Variants in C4BPA observed in about 807,000 individuals in gnomAD.
C4BPA encodes the protein complement component 4 binding protein alpha.
Under a neutral mutation model 63.7 loss-of-function variants are expected in C4BPA, and 31 were observed. The ratio of observed to expected loss-of-function variants is 0.49; its 90% CI spans 0.37 to 0.66. C4BPA has a LOEUF of 0.66. Ranked by LOEUF, C4BPA falls within the 30% of genes least tolerant of loss-of-function variation. The probability of loss-of-function intolerance (pLI) is 0.00; values close to 1 mark genes in which losing one functional copy is unlikely to be tolerated. For missense variants in C4BPA, 572 were observed against 723.3 expected (o/e 0.79, Z 2.40); for synonymous variants, 259 against 254.7 (o/e 1.02, Z -0.16).
chr1:207,144,129 A>G (rs1685481231), intron 11 of C4BPA, 136 bp downstream of exon 11: 2 of 637,508 alleles, frequency 3.1e-6, no homozygotes, highest in South Asian at 5.4e-5. Context: ...CACTCAAAGA[A>G]ACTCTTTTTG....
intron 10 of C4BPA, among the ~76,000 whole-genome samples, chr1:207,143,335 G>C (rs1302128354): frequency 1.3e-5 from 2 of 151,930 alleles, no homozygotes; most frequent in African/African-American, 4.8e-5. Context: ...GGGCCTGTCA[G>C]GGGGTGGGGG....
intron 1 of C4BPA, among the ~76,000 whole-genome samples, chr1:207,111,297 C>A (rs1307770929): frequency 6.6e-6 from 1 of 152,218 alleles, no homozygotes; most frequent in Non-Finnish European, 1.5e-5. Flanking sequence ...CCTCTCTAGA[C>A]CACCTGGATT....
chr1:207,131,411 G>C, intron 7 of C4BPA, 135 bp from the exon 8 acceptor site: 1 of 618,146 alleles, frequency 1.6e-6, no homozygotes, highest in Non-Finnish European at 2.8e-6. Context: ...TGGTGTGGTT[G>C]ATACATCAGG....
intron 7 of C4BPA, among the ~76,000 whole-genome samples, chr1:207,130,736 A>G (rs756245592): frequency 1.1e-4 from 16 of 152,198 alleles, no homozygotes; most frequent in Non-Finnish European, 2.1e-4. Flanking sequence ...TTTATTTAAA[A>G]TGCTCAGATT....
chr1:207,138,295 T>C (rs1466630206), intron 9 of C4BPA, among the ~76,000 whole-genome samples: 2 of 152,160 alleles, frequency 1.3e-5, no homozygotes, highest in Non-Finnish European at 2.9e-5. Context: ...TTACTGCCCA[T>C]GCTCAATCCC....
intron 6 of C4BPA, among the ~76,000 whole-genome samples, 171 bp from the exon 7 acceptor site, chr1:207,126,542 T>G (rs921875645): frequency 2.6e-5 from 4 of 151,010 alleles, no homozygotes; most frequent in Admixed American, 2.0e-4. Context: ...CAGATATATA[T>G]GTATGCGTTT....
intron 3 of C4BPA, 146 bp from the exon 4 acceptor site, chr1:207,115,270 G>A (rs941472313): frequency 3.4e-5 from 18 of 523,414 alleles, no homozygotes; most frequent in Non-Finnish European, 5.4e-5. Context: ...TAATTTTGAG[G>A]TGAGTCAGGG....
chr1:207,124,751 A>G (rs1287563554), intron 6 of C4BPA, among the ~76,000 whole-genome samples: 1 of 152,186 alleles, frequency 6.6e-6, no homozygotes, highest in Non-Finnish European at 1.5e-5. Context: ...TGGCACCTCC[A>G]TTTCAAAATG....
intron 9 of C4BPA, among the ~76,000 whole-genome samples, chr1:207,137,215 A>G (rs1361214899): frequency 6.6e-6 from 1 of 152,184 alleles, no homozygotes; most frequent in Non-Finnish European, 1.5e-5. Context: ...AGCTAAGGGG[A>G]TTAGGGGTGG....
At chr1:207,113,237 C>A in intron 2 of C4BPA, 70 bp downstream of exon 2, 1 of 1,517,650 alleles carries the variant, frequency 6.6e-7, no homozygotes, top group South Asian at 1.2e-5. Context: ...ACTTTTAAGG[C>A]TAAAAAAAAT....
intron 1 of C4BPA, among the ~76,000 whole-genome samples, chr1:207,109,558 C>T (rs916427631): frequency 6.6e-6 from 1 of 152,226 alleles, no homozygotes; most frequent in Non-Finnish European, 1.5e-5. Flanking sequence ...GACGCCAACT[C>T]ACATGTTCTG....
intron 2 of C4BPA, among the ~76,000 whole-genome samples, chr1:207,113,482 A>T (rs1221890826): frequency 6.6e-6 from 1 of 152,132 alleles, no homozygotes; most frequent in African/African-American, 2.4e-5. Flanking sequence ...TTGTGGGTTT[A>T]TTCAGGGGGT....
intron 7 of C4BPA, among the ~76,000 whole-genome samples, chr1:207,128,378 T>A (rs2491395): frequency 0.26 from 39,659 of 152,046 alleles, 5,330 homozygotes; most frequent in African/African-American, 0.29. Context: ...AGTTTTCTAA[T>A]TTCCCCCAGC....
Position 207,138,168 on chromosome 1 carries a change from A to G in C4BPA, c.1274-2938A>G, listed in dbSNP as rs149388743. On this transcript the variant is annotated intron_variant, in intron 9 of 11. Transcript: ENST00000367070. ...TTTTCCCCATCCGGACAGTTTGGTT[A>G]TACTGGATAACTGGTATAGCCACAA... is the stretch of plus-strand genomic sequence containing the variant. Among the ~76,000 whole-genome samples, 91 of 152,320 alleles carry G rather than the reference A, an allele frequency of 6.0e-4. 1 individual carries two copies. The highest frequency in any genetic ancestry group is 2.1e-3 in the African/African-American group (87 of 41,576).
intron 7 of C4BPA, among the ~76,000 whole-genome samples, chr1:207,129,237 A>G (rs1185241751): frequency 1.3e-5 from 2 of 152,084 alleles, no homozygotes; most frequent in Non-Finnish European, 2.9e-5. Flanking sequence ...GAGATTATGC[A>G]ATTTGAAGCA....
chr1:207,134,693 C>T (rs1039289165), intron 9 of C4BPA, 101 bp downstream of exon 9: 2 of 770,122 alleles, frequency 2.6e-6, no homozygotes, highest in South Asian at 4.2e-5. Flanking sequence ...AATTCATATA[C>T]CTTGCATGAT....
chr1:207,118,267 C>G (rs1684855192), intron 4 of C4BPA, among the ~76,000 whole-genome samples: 1 of 124,604 alleles, frequency 8.0e-6, no homozygotes, highest in Non-Finnish European at 1.8e-5. Context: ...CTATTGATTT[C>G]TGCATGTTAG....
chr1:207,135,527 A>G (rs368977568), intron 9 of C4BPA, among the ~76,000 whole-genome samples: 1 of 152,136 alleles, frequency 6.6e-6, no homozygotes, highest in African/African-American at 2.4e-5. Flanking sequence ...CACTTTGCCA[A>G]CCAGGTCTTT....
At chr1:207,108,434 C>T (rs1411670012) in intron 1 of C4BPA, among the ~76,000 whole-genome samples, 7 of 152,174 alleles carry the variant, frequency 4.6e-5, no homozygotes, top group Admixed American at 1.3e-4. Flanking sequence ...TTTGCAAGGT[C>T]AGTTTTGTCA....
Sources: allele counts gnomAD v4.1 joint callset (sites outside exome capture counted in the v4.1 genomes callset), GRCh38; gene constraint gnomAD v4.1.1; transcripts MANE v1.5; gene names NCBI Gene and HGNC (gene_info 2026-07-23, HGNC 2026-07-21).